Variants in NMNAT2 observed in about 807,000 individuals in gnomAD.
NMNAT2 encodes nicotinamide nucleotide adenylyltransferase 2, also known as nicotinamide/nicotinic acid mononucleotide adenylyltransferase 2.
A neutral mutation model predicts 41.6 loss-of-function variants in NMNAT2; 11 were observed. The observed-to-expected ratio is 0.26, with a 90% CI of 0.17 to 0.44. The LOEUF is 0.44. NMNAT2 is among the 20% of genes least tolerant of loss of function. NMNAT2 has a pLI of 1.00. For missense variants in NMNAT2, 288 were observed against 407.7 expected, an observed-to-expected ratio of 0.71 and a Z score of 2.53; for synonymous variants, 148 against 151.2, an observed-to-expected ratio of 0.98 and a Z score of 0.16.
At chr1:183,340,683 T>C (rs1541170) in intron 1 of NMNAT2, among the ~76,000 whole-genome samples, 107,656 of 152,044 alleles carry the variant, frequency 0.71, 38,257 homozygotes, top group East Asian at 0.9. Flanking sequence ...ACTTGCTTGA[T>C]TTAGATGTAA....
chr1:183,263,242 T>C lies in NMNAT2; in HGVS notation c.652-1939A>G, dbSNP rs1381560271. Among the ~76,000 whole-genome samples the C allele has an allele frequency of 5.9e-5, 9 of 152,164 alleles. No individual in the cohort carries two copies. The East Asian group carries it at 7.7e-4, about 13-fold the overall frequency. ...TAGGTGTAGAATATTAGAGCCCCCATTGGATCATGTAATCTGGAAGATACA... is the reference window on the plus strand; with the variant it reads ...TAGGTGTAGAATATTAGAGCCCCCACTGGATCATGTAATCTGGAAGATACA... On this transcript the variant is annotated intron_variant, in intron 8 of 10. Transcript: ENST00000287713.
intron 1 of NMNAT2, among the ~76,000 whole-genome samples, chr1:183,324,382 A>G (rs1662418266): frequency 6.6e-6 from 1 of 152,242 alleles, no homozygotes; most frequent in African/African-American, 2.4e-5. Flanking sequence ...AGGAAAATAA[A>G]TAAAATTAAA....
In NMNAT2 at chr1:183,261,313, C is replaced by G; in HGVS notation, c.652-10G>C. On this transcript the variant is annotated splice_polypyrimidine_tract_variant and intron_variant, in intron 8 of 10. Transcript: ENST00000287713. The stretch of plus-strand genomic sequence containing the variant: ...CAACAATCACCTCCATCTAAAGAAA[C>G]AGAGAGAGGGCCCTTTGGTGAAACC... 6.2e-7 allele frequency: 1 copy of G among 1,609,012 alleles called. No individual in the cohort carries two copies. Among genetic ancestry groups the G allele is most frequent in the Non-Finnish European group, 8.5e-7 (1 of 1,176,494 alleles).
At chr1:183,352,334 T>A (rs569793865) in intron 1 of NMNAT2, among the ~76,000 whole-genome samples, 1 of 152,042 alleles carries the variant, frequency 6.6e-6, no homozygotes, top group Admixed American at 6.5e-5. Flanking sequence ...GAGGCTAAGG[T>A]GGGTGGATCA....
At chr1:183,304,821 C>A in intron 1 of NMNAT2, 1 of 1,602,630 alleles carries the variant, frequency 6.2e-7, no homozygotes, top group South Asian at 1.1e-5. Context: ...CAGCTGCTCC[C>A]TCATTGTTGC....
At chr1:183,314,908 C>G (rs1374867744) in intron 1 of NMNAT2, among the ~76,000 whole-genome samples, 1 of 152,138 alleles carries the variant, frequency 6.6e-6, no homozygotes, top group African/African-American at 2.4e-5. Context: ...AAACAAACAA[C>G]AAGCAAACAA....
rs138225647 is a variant in NMNAT2 at position 183,292,813 on chromosome 1, G to A, written c.219C>T (p.Ala73=). 1.8e-5 allele frequency: 29 copies of A among 1,613,930 alleles called. No homozygotes were observed. Among genetic ancestry groups the A allele is most frequent in the Middle Eastern group, 1.6e-4 (1 of 6,084 alleles). Residue 73 remains alanine, a synonymous_variant, in exon 3 of 11, where the codon GCC becomes GCT. Transcript: ENST00000287713. ...SRHRLIMCQL[A]VQNSDWIRVD... Reference sequence around the variant, plus strand: ...ACCTGATCCAATCAGAATTCTGGACGGCCAGCTGACACATGATGAGACGGT... The same window carrying A: ...ACCTGATCCAATCAGAATTCTGGACAGCCAGCTGACACATGATGAGACGGT...
At chr1:183,392,894 C>A (rs1249423691) in intron 1 of NMNAT2, among the ~76,000 whole-genome samples, 1 of 152,166 alleles carries the variant, frequency 6.6e-6, no homozygotes, top group Non-Finnish European at 1.5e-5. Context: ...CATTTTATTT[C>A]TTTTTTAATT....
At chr1:183,269,392 C>T (rs1376373017) in intron 8 of NMNAT2, among the ~76,000 whole-genome samples, 1 of 152,230 alleles carries the variant, frequency 6.6e-6, no homozygotes, top group African/African-American at 2.4e-5. Flanking sequence ...AAACTTCCAT[C>T]GGCAACAGGA....
intron 1 of NMNAT2, among the ~76,000 whole-genome samples, chr1:183,362,663 C>A (rs1571619958): frequency 6.6e-6 from 1 of 152,280 alleles, no homozygotes; most frequent in South Asian, 2.1e-4. Context: ...AGTTTTTCAT[C>A]AGTTGATGGG....
At chr1:183,361,220 G>A (rs1346273128) in intron 1 of NMNAT2, among the ~76,000 whole-genome samples, 2 of 152,132 alleles carry the variant, frequency 1.3e-5, no homozygotes, top group Non-Finnish European at 2.9e-5. Flanking sequence ...TTTGACTACC[G>A]AGTCTGGACT....
chr1:183,393,647 C>T (rs1648548208), intron 1 of NMNAT2, among the ~76,000 whole-genome samples: 1 of 152,156 alleles, frequency 6.6e-6, no homozygotes, highest in African/African-American at 2.4e-5. Context: ...CCTCTGCCTC[C>T]CGGGTTCAAG....
intron 1 of NMNAT2, among the ~76,000 whole-genome samples, chr1:183,409,873 G>T (rs1285514709): frequency 6.6e-6 from 1 of 152,148 alleles, no homozygotes; most frequent in Non-Finnish European, 1.5e-5. Flanking sequence ...CTAGATCCTA[G>T]GCAAGAACAA....
intron 1 of NMNAT2, among the ~76,000 whole-genome samples, chr1:183,315,160 A>G (rs1466246473): frequency 6.6e-6 from 1 of 152,224 alleles, no homozygotes; most frequent in Admixed American, 6.5e-5. Flanking sequence ...TGGGGAAAAA[A>G]TAGAGGCAAA....
At chr1:183,381,673 G>T (rs1663806542) in intron 1 of NMNAT2, among the ~76,000 whole-genome samples, 1 of 151,850 alleles carries the variant, frequency 6.6e-6, no homozygotes, top group Non-Finnish European at 1.5e-5. Flanking sequence ...CTCCAGCCTG[G>T]CCAAAAAAGT....
intron 1 of NMNAT2, among the ~76,000 whole-genome samples, chr1:183,355,083 C>T (rs144880614): frequency 1.3e-5 from 2 of 152,336 alleles, no homozygotes; most frequent in Non-Finnish European, 2.9e-5. Flanking sequence ...GCACTGTAGC[C>T]ATGCTGGTGT....
At chr1:183,289,809 C>T (rs975245390) in intron 4 of NMNAT2, among the ~76,000 whole-genome samples, 6 of 152,220 alleles carry the variant, frequency 3.9e-5, no homozygotes, top group African/African-American at 4.8e-5. Context: ...TCACTGTGGT[C>T]TCCTTAATCC....
intron 1 of NMNAT2, among the ~76,000 whole-genome samples, chr1:183,342,913 T>C (rs1662850168): frequency 1.3e-5 from 2 of 151,380 alleles, no homozygotes; most frequent in East Asian, 1.9e-4. Context: ...ATTATTATTA[T>C]TATTATTATT....
chr1:183,332,487 T>C (rs752834548), intron 1 of NMNAT2, among the ~76,000 whole-genome samples: 2 of 152,186 alleles, frequency 1.3e-5, no homozygotes, highest in Non-Finnish European at 2.9e-5. Context: ...CTCAGTCACA[T>C]AGACTGGAAC....
Sources: allele counts gnomAD v4.1 joint callset (sites outside exome capture counted in the v4.1 genomes callset), GRCh38; gene constraint gnomAD v4.1.1; transcripts MANE v1.5; gene names NCBI Gene and HGNC (gene_info 2026-07-23, HGNC 2026-07-21).